Variants in AHCY observed in about 807,000 individuals in gnomAD.
AHCY encodes S-adenosyl-L-homocysteine hydrolase.
AHCY carries 24 observed loss-of-function variants against 45.4 expected under a neutral mutation model. The ratio of observed to expected loss-of-function variants is 0.53; its 90% CI spans 0.38 to 0.74. The LOEUF is 0.74. Ranked by LOEUF, AHCY falls within the 30% of genes least tolerant of loss-of-function variation. The pLI is 0.00. For synonymous variants in AHCY, 245 were observed against 235.1 expected (o/e 1.04, Z -0.39); for missense variants, 449 against 594.1 (o/e 0.76, Z 2.54).
chr20:34,277,321 CA>C (rs1568779345), downstream of AHCY, among the ~76,000 whole-genome samples: 1 of 152,176 alleles, frequency 6.6e-6, no homozygotes, highest in Non-Finnish European at 1.5e-5. Flanking sequence ...TCTCCACATA[CA>C]AATGCTGGGT....
chr20:34,295,563 C>T lies in AHCY; in HGVS notation c.51G>A (p.Trp17Ter). ...CAGCAATGTCCAGGGCCTTGCGTCC[C>T]CAGGCAGCCAGGCCGATGTCGGCTA... is the stretch of plus-strand genomic sequence containing the variant. The part of the protein sequence containing the change: ...YKVADIGLAA[W>*]GRKALDIAEN... Residue 17 changes from tryptophan (W) to a stop codon, truncating the protein, a stop_gained, in exon 2 of 10, where the codon TGG becomes TGA. Coordinates refer to ENST00000217426, the MANE Select transcript of AHCY (RefSeq NM_000687.4). LOFTEE classifies it high-confidence loss of function. The T allele has an allele frequency of 6.2e-7, 1 of 1,614,110 alleles. No homozygotes were observed.
chr20:34,261,438 AGCCTGGTC>A, the AHCY span, among the ~76,000 whole-genome samples: 1 of 152,220 alleles, frequency 6.6e-6, no homozygotes, highest in South Asian at 2.1e-4. Flanking sequence ...GTTCAAGACC[AGCCTGGTC>A]AACAGGGTGA....
At chr20:34,310,959 C>T (rs2036941644) in intron 1 of AHCY, among the ~76,000 whole-genome samples, 1 of 151,808 alleles carries the variant, frequency 6.6e-6, no homozygotes, top group Admixed American at 6.6e-5. Context: ...AATCCCATCT[C>T]TACTAAAAAT....
At chr20:34,260,566 G>T in the AHCY span, 1 of 1,574,036 alleles carries the variant, frequency 6.4e-7, no homozygotes. Context: ...CTCTGGCCCA[G>T]GAGAGGGGCT....
chr20:34,306,967 T>C (rs770356366), upstream of AHCY, among the ~76,000 whole-genome samples: 3 of 152,020 alleles, frequency 2.0e-5, no homozygotes, highest in Non-Finnish European at 2.9e-5. Context: ...TGAGGAAACT[T>C]TGTGGTGATG....
intron 1 of AHCY, among the ~76,000 whole-genome samples, chr20:34,300,398 C>T (rs781571534): frequency 1.6e-4 from 25 of 152,142 alleles, no homozygotes; most frequent in Non-Finnish European, 3.1e-4. Flanking sequence ...ATCTTCGGGC[C>T]CTATCTGCAT....
the AHCY span, among the ~76,000 whole-genome samples, chr20:34,243,940 C>T: frequency 1.3e-5 from 2 of 152,068 alleles, no homozygotes; most frequent in Non-Finnish European, 2.9e-5. Context: ...TGGCGGGCGC[C>T]TGTAGTCCCA....
intron 1 of AHCY, among the ~76,000 whole-genome samples, chr20:34,298,207 C>G (rs1350230951): frequency 1.3e-5 from 2 of 151,994 alleles, no homozygotes; most frequent in Admixed American, 1.3e-4. Flanking sequence ...AGGCAAGAGA[C>G]AGAGGACACG....
At chr20:34,299,150 G>A (rs150497155) in intron 1 of AHCY, among the ~76,000 whole-genome samples, 5 of 151,970 alleles carry the variant, frequency 3.3e-5, no homozygotes, top group African/African-American at 7.2e-5. Context: ...CTCTCTCGTC[G>A]CCGCACACAG....
the AHCY span, among the ~76,000 whole-genome samples, chr20:34,255,826 C>G: frequency 6.6e-6 from 1 of 152,146 alleles, no homozygotes; most frequent in Non-Finnish European, 1.5e-5. Context: ...CCTAGTGGAC[C>G]TTGGTCTAGT....
the AHCY span, among the ~76,000 whole-genome samples, chr20:34,255,632 T>C: frequency 1.3e-5 from 2 of 152,260 alleles, no homozygotes; most frequent in Non-Finnish European, 1.5e-5. Flanking sequence ...TCCAATATTA[T>C]AATAATCTTT....
chr20:34,251,342 C>G, the AHCY span, among the ~76,000 whole-genome samples: 2 of 151,770 alleles, frequency 1.3e-5, no homozygotes, highest in Non-Finnish European at 2.9e-5. Context: ...GTGATGTCGG[C>G]TCACTGCAAC....
chr20:34,255,162 C>T, the AHCY span, among the ~76,000 whole-genome samples: 1 of 152,114 alleles, frequency 6.6e-6, no homozygotes, highest in African/African-American at 2.4e-5. Context: ...GGACTTTGGC[C>T]AGTCCATGGA....
the AHCY span, among the ~76,000 whole-genome samples, chr20:34,264,570 C>T: frequency 6.6e-6 from 1 of 152,134 alleles, no homozygotes; most frequent in Admixed American, 6.6e-5. Context: ...GAAAAAGTTG[C>T]TTGAATTACT....
intron 8 of AHCY, among the ~76,000 whole-genome samples, chr20:34,287,671 T>C (rs2036233772): frequency 6.6e-6 from 1 of 151,656 alleles, no homozygotes; most frequent in African/African-American, 2.4e-5. Flanking sequence ...GAATTACAGG[T>C]GTGTGCCACC....
Position 34,290,903 on chromosome 20 carries a change from G to T in AHCY, c.594C>A (p.Ser198=), listed in dbSNP as rs985931145. 1.2e-5 allele frequency: 19 copies of T among 1,613,996 alleles called. No homozygotes were observed. Among genetic ancestry groups the T allele is most frequent in the Non-Finnish European group, 1.5e-5 (18 of 1,180,030 alleles). The change falls in exon 6 of 10, where the codon TCC becomes TCA. Residue 198 remains serine, a synonymous_variant. Coordinates refer to ENST00000217426, the MANE Select transcript of AHCY (RefSeq NM_000687.4). The surrounding 1 kb of genome is among the most constrained non-coding windows in gnomAD (Gnocchi z 4.5). ...KFDNLYGCRE[S]LIDGIKRATD... ...TGGCCCGCTTGATGCCATCTATGAG[G>T]GACTCCCGGCAGCCATAGAGGTTGT...
At chr20:34,276,534 A>C (rs2035911749), downstream of AHCY, among the ~76,000 whole-genome samples, 1 of 152,178 alleles carries the variant, frequency 6.6e-6, no homozygotes, top group African/African-American at 2.4e-5. Flanking sequence ...TTACGATGCT[A>C]AGCAGTGTGA....
the AHCY span, among the ~76,000 whole-genome samples, chr20:34,271,565 C>CTTTTT: frequency 8.1e-6 from 1 of 123,412 alleles, no homozygotes; most frequent in Admixed American, 8.9e-5. Flanking sequence ...TTGAACAAGC[C>CTTTTT]TTTTTTTTTT....
At chr20:34,291,235 A>C (rs531924780) in intron 5 of AHCY, among the ~76,000 whole-genome samples, 184 bp downstream of exon 5, 8 of 152,312 alleles carry the variant, frequency 5.3e-5, no homozygotes, top group African/African-American at 1.9e-4. Context: ...AAAGCCATAA[A>C]GCTCCTAACA....
Sources: allele counts gnomAD v4.1 joint callset (sites outside exome capture counted in the v4.1 genomes callset), GRCh38; gene constraint gnomAD v4.1.1; non-coding constraint Gnocchi (gnomAD v3.1); transcripts MANE v1.5; gene names NCBI Gene and HGNC (gene_info 2026-07-23, HGNC 2026-07-21).